The following TMEM260 variants were observed in gnomAD, a reference collection of about 807,000 sequenced individuals.
TMEM260 encodes transmembrane protein 260.
Under a neutral mutation model 88.9 loss-of-function variants are expected in TMEM260, and 82 were observed. The ratio of observed to expected loss-of-function variants is 0.92; its 90% confidence interval spans 0.77 to 1.11. The LOEUF is 1.11. Ranked by LOEUF, TMEM260 falls within the 50% of genes least tolerant of loss-of-function variation. The pLI is 0.00. For missense variants in TMEM260, 902 were observed against 853.4 expected (o/e 1.06, Z -0.71); for synonymous variants, 314 against 309.3 (o/e 1.02, Z -0.16).
At chr14:56,649,820 A>G (rs762715996), downstream of TMEM260, among the ~76,000 whole-genome samples, 8 of 152,192 alleles carry the variant, frequency 5.3e-5, no homozygotes, top group Non-Finnish European at 8.8e-5. Flanking sequence ...AGATTATTCT[A>G]TATGTGTGCA....
intron 9 of TMEM260, among the ~76,000 whole-genome samples, chr14:56,617,823 G>A (rs1031360943): frequency 6.6e-6 from 1 of 152,144 alleles, no homozygotes; most frequent in Non-Finnish European, 1.5e-5. Flanking sequence ...GTGTGTTCAG[G>A]AAGCCTAATA....
intron 10 of TMEM260, among the ~76,000 whole-genome samples, chr14:56,620,387 G>A (rs775333860): frequency 5.3e-5 from 8 of 152,254 alleles, no homozygotes; most frequent in African/African-American, 1.2e-4. Flanking sequence ...AAGGGGCTGC[G>A]TGTCCTGGAC....
Position 56,627,086 on chromosome 14 carries a change from A to G in TMEM260, c.1547+1556A>G, listed in dbSNP as rs143781297. ...CGCATAATAATTTAACGAATATTCT[A>G]TTTTTGGGATATTCTGTTTCTAGAC... is the stretch of plus-strand genomic sequence containing the variant. On this transcript the variant is annotated intron_variant, in intron 12 of 15. Coordinates refer to ENST00000261556, the MANE Select transcript of TMEM260 (RefSeq NM_017799.4). Among the ~76,000 whole-genome samples, 46 of 152,190 alleles carry G rather than the reference A, an allele frequency of 3.0e-4. No homozygotes were observed. In the East Asian group the frequency reaches 6.4e-3, roughly 21 times the overall value.
chr14:56,629,324 A>T (rs1888434014), intron 12 of TMEM260, among the ~76,000 whole-genome samples: 2 of 141,942 alleles, frequency 1.4e-5, no homozygotes, highest in South Asian at 4.3e-4. Flanking sequence ...ATCCATACTT[A>T]ACTTTTCATG....
At chr14:56,655,064 C>G (rs1890276708), downstream of TMEM260, among the ~76,000 whole-genome samples, 1 of 152,056 alleles carries the variant, frequency 6.6e-6, no homozygotes, top group Non-Finnish European at 1.5e-5. Flanking sequence ...AATTGCTTCA[C>G]CTAAATTTCC....
chr14:56,582,671 A>C (rs1024509618), intron 1 of TMEM260, among the ~76,000 whole-genome samples: 1 of 152,146 alleles, frequency 6.6e-6, no homozygotes, highest in Non-Finnish European at 1.5e-5. Context: ...AGGAATCTTC[A>C]TTTTTAAAAA....
intron 7 of TMEM260, chr14:56,615,554 T>A (rs1887541947): frequency 6.4e-6 from 1 of 156,512 alleles, no homozygotes; most frequent in Non-Finnish European, 1.4e-5. Context: ...TTGAATTAAT[T>A]TTGTTATCAT....
chr14:56,617,103 A>G, intron 8 of TMEM260, 80 bp from the exon 9 acceptor site: 1 of 827,486 alleles, frequency 1.2e-6, no homozygotes, highest in Admixed American at 3.3e-5. Flanking sequence ...TTATAGATCT[A>G]ATAGTTTAAA....
In TMEM260 at chr14:56,618,693, A is replaced by C; in HGVS notation, c.1156A>C (p.Asn386His). The C allele has an allele frequency of 6.2e-7, 1 of 1,614,214 alleles. No individual in the cohort carries two copies. The highest frequency in any genetic ancestry group is 8.5e-7 in the Non-Finnish European group (1 of 1,180,030). ...TGAGACTAACCGAGTGCTGAATAGC[A>C]ATGGGCTTCAGTGTCTGGAATGGCT... Reference protein sequence around the residue: ...VSETNRVLNSNGLQCLEWLSA... With the variant: ...VSETNRVLNSHGLQCLEWLSA... Residue 386 changes from asparagine to histidine, a missense_variant, in exon 10 of 16, where the codon AAT becomes CAT. By Grantham distance (68) the Asn-to-His change is moderately conservative (BLOSUM62 1). Coordinates refer to ENST00000261556, the MANE Select transcript of TMEM260 (RefSeq NM_017799.4).
the TMEM260 span, among the ~76,000 whole-genome samples, chr14:56,657,033 A>C: frequency 5.9e-5 from 9 of 152,114 alleles, no homozygotes; most frequent in African/African-American, 2.2e-4. Flanking sequence ...CTTCTTCCCA[A>C]ACTTAGATTT....
rs10136675 is a variant in TMEM260 at position 56,597,019 on chromosome 14, G to A, written c.345-6796G>A. On this transcript the variant is annotated intron_variant, in intron 3 of 15. Transcript: ENST00000261556. ...GATCTATTTCATACCTATTTATTGCGTTTAATTGGATGAGAACCTAGAGAA... is the reference window on the plus strand; with the variant it reads ...GATCTATTTCATACCTATTTATTGCATTTAATTGGATGAGAACCTAGAGAA... Among the ~76,000 whole-genome samples the A allele has an allele frequency of 7.1e-3, 1,085 of 151,774 alleles. 19 individuals carry two copies. The highest frequency in any genetic ancestry group is 0.025 in the African/African-American group (1,035 of 41,332).
intron 12 of TMEM260, among the ~76,000 whole-genome samples, chr14:56,632,598 T>A (rs182492419): frequency 1.3e-5 from 2 of 152,186 alleles, no homozygotes; most frequent in African/African-American, 4.8e-5. Flanking sequence ...ATTTGAGACA[T>A]ACTTCTGAGT....
At position 56,617,250 on chromosome 14, in the gene TMEM260, G is replaced by C. The variant is rs763107081; in HGVS notation, c.1009G>C (p.Ala337Pro). Residue 337 changes from alanine (A) to proline (P), a missense_variant, in exon 9 of 16, where the codon GCT (alanine) becomes CCT (proline). By Grantham distance (27) the Ala-to-Pro change is conservative. Transcript: ENST00000261556. Reference sequence around the variant, plus strand: ...GTTTTGCATTTATTCATTGTTCTTTGCTTGGAGAGCAAATTTAGATATTTC... The same window carrying C: ...GTTTTGCATTTATTCATTGTTCTTTCCTTGGAGAGCAAATTTAGATATTTC... ...GMFCIYSLFF[A>P]WRANLDISKP... is the part of the protein sequence containing the mutation. 6.2e-7 allele frequency: 1 copy of C among 1,602,516 alleles called. No homozygotes were observed. Among genetic ancestry groups the C allele is most frequent in the East Asian group, 2.3e-5 (1 of 44,092 alleles).
intron 3 of TMEM260, among the ~76,000 whole-genome samples, chr14:56,592,320 T>G (rs1281891649): frequency 6.6e-6 from 1 of 152,184 alleles, no homozygotes; most frequent in East Asian, 1.9e-4. Flanking sequence ...TGTCCTAAAT[T>G]ATTGATTTAT....
intron 1 of TMEM260, 123 bp downstream of exon 1, chr14:56,580,197 C>G (rs1885027269): frequency 2.4e-5 from 17 of 721,936 alleles, no homozygotes; most frequent in African/African-American, 3.6e-5. Flanking sequence ...ATCCACCCCC[C>G]TGTGCACAGC....
At chr14:56,605,379 C>T (rs553201835) in intron 4 of TMEM260, among the ~76,000 whole-genome samples, 191 bp from the exon 5 acceptor site, 7 of 152,106 alleles carry the variant, frequency 4.6e-5, no homozygotes, top group African/African-American at 1.7e-4. Flanking sequence ...ATTTGATGAA[C>T]TTGGAAAATA....
Position 56,585,835 on chromosome 14 carries a change from A to G in TMEM260, c.267A>G (p.Ser89=). Residue 89 remains serine, a synonymous_variant, in exon 3 of 16, where the codon TCA becomes TCG. Coordinates refer to ENST00000261556, the MANE Select transcript of TMEM260 (RefSeq NM_017799.4). ...KLAITLFPFG[S]IAYRVNLLCG... is the part of the protein sequence containing the mutation. ...CAATTACACTGTTTCCTTTTGGTTCAATTGCCTACCGCGTCAATCTTCTCT... is the reference window on the plus strand; with the variant it reads ...CAATTACACTGTTTCCTTTTGGTTCGATTGCCTACCGCGTCAATCTTCTCT... 1 of 1,613,462 alleles carries G rather than the reference A, an allele frequency of 6.2e-7. No homozygotes were observed. Among genetic ancestry groups the G allele is most frequent in the Non-Finnish European group, 8.5e-7 (1 of 1,179,684 alleles).
chr14:56,582,470 G>A (rs1885199270), intron 1 of TMEM260, among the ~76,000 whole-genome samples: 1 of 152,172 alleles, frequency 6.6e-6, no homozygotes, highest in African/African-American at 2.4e-5. Flanking sequence ...ATATTGAGAA[G>A]TATGATATAA....
chr14:56,644,406 G>T (rs2139655945), intron 15 of TMEM260, among the ~76,000 whole-genome samples: 1 of 152,284 alleles, frequency 6.6e-6, no homozygotes, highest in Non-Finnish European at 1.5e-5. Flanking sequence ...AATGGGGAAA[G>T]GATTCCCTAT....
Sources: gnomAD v4.1 joint callset for allele counts (sites outside exome capture counted in the v4.1 genomes callset) on GRCh38, gnomAD v4.1.1 for gene constraint, MANE v1.5 for transcripts, NCBI Gene and HGNC (gene_info 2026-07-23, HGNC 2026-07-21) for gene names.